Variants in NUP107 observed in about 807,000 individuals in gnomAD.
NUP107 encodes nuclear pore complex protein Nup107.
In NUP107, 101 loss-of-function variants were observed where a neutral mutation model predicts 141.0. That is an observed-to-expected ratio of 0.72 (90% CI 0.61 to 0.84). The LOEUF is 0.84. Among genes scored for constraint, NUP107 ranks in the 40% least tolerant of loss-of-function variants. The pLI, the probability that NUP107 is intolerant of heterozygous loss-of-function variation, is 0.00. For synonymous variants in NUP107, 319 were observed against 363.9 expected (o/e 0.88, Z 1.41); for missense variants, 941 against 1,102.7 (o/e 0.85, Z 2.08).
chr12:68,731,062 A>G, intron 20 of NUP107, 48 bp from the exon 21 acceptor site: 1 of 1,310,760 alleles, frequency 7.6e-7, no homozygotes, highest in Non-Finnish European at 1.1e-6. Context: ...TTTGAAGTAT[A>G]CTTTTAATTT....
intron 10 of NUP107, among the ~76,000 whole-genome samples, chr12:68,712,337 G>A (rs1269294544): frequency 1.4e-5 from 2 of 145,660 alleles, no homozygotes; most frequent in South Asian, 2.1e-4. Context: ...ACAAAAATTA[G>A]CCAGTCGTGG....
intron 19 of NUP107, 76 bp downstream of exon 19, chr12:68,726,693 T>C: frequency 1.1e-6 from 1 of 909,962 alleles, no homozygotes; most frequent in Non-Finnish European, 1.8e-6. Flanking sequence ...ACACTACTTT[T>C]TTTATTATTG....
At chr12:68,716,908 T>C (rs1257016408) in intron 12 of NUP107, among the ~76,000 whole-genome samples, 1 of 152,158 alleles carries the variant, frequency 6.6e-6, no homozygotes, top group East Asian at 1.9e-4. Context: ...TAATTTCTTT[T>C]TTTTTTTGAG....
intron 12 of NUP107, 37 bp downstream of exon 12, chr12:68,715,777 A>G (rs1488649216): frequency 1.5e-6 from 2 of 1,296,936 alleles, no homozygotes; most frequent in African/African-American, 2.9e-5. Flanking sequence ...AATTTCAAAA[A>G]GTCATAGACT....
intron 5 of NUP107, among the ~76,000 whole-genome samples, chr12:68,692,336 T>C (rs1875839896): frequency 6.6e-6 from 1 of 152,030 alleles, no homozygotes; most frequent in Non-Finnish European, 1.5e-5. Flanking sequence ...ATCCTAGCAC[T>C]TTGAGAGGCC....
rs985417865 is a variant in NUP107, at chr12:68,743,136, G to C, written c.*674G>C. 6.6e-6 allele frequency: 1 copy of C among 152,280 alleles called. No individual in the cohort carries two copies. Among genetic ancestry groups the C allele is most frequent in the African/African-American group, 2.4e-5 (1 of 41,440 alleles). 9.4% of individuals were successfully genotyped at this position (152,280 alleles called of 1,614,324 possible). ...GTAGTGGCTGGGTGCAGTGGCTCAC[G>C]TCTGTAACCCCAGCACTTCGGGAGG... On this transcript the variant is annotated 3_prime_UTR_variant, in exon 28 of 28. Transcript: ENST00000229179.
intron 8 of NUP107, chr12:68,706,616 T>C: frequency 1.4e-6 from 1 of 704,994 alleles, no homozygotes; most frequent in Non-Finnish European, 2.6e-6. Flanking sequence ...GCCAGAGGGC[T>C]TCCCTGGAGG....
chr12:68,703,393 A>C (rs578097236), intron 8 of NUP107, among the ~76,000 whole-genome samples: 1 of 152,056 alleles, frequency 6.6e-6, no homozygotes, highest in Non-Finnish European at 1.5e-5. Flanking sequence ...TTGTATACAC[A>C]CACACATTTG....
intron 10 of NUP107, among the ~76,000 whole-genome samples, chr12:68,710,774 T>C (rs1406089342): frequency 1.3e-5 from 2 of 152,170 alleles, no homozygotes; most frequent in East Asian, 1.9e-4. Context: ...ATTTACGTTG[T>C]ATTAGGTATT....
Position 68,731,364 on chromosome 12 carries a change from G to A in NUP107, c.1885+104G>A, listed in dbSNP as rs1009032457. The A allele has an allele frequency of 2.1e-5, 24 of 1,149,724 alleles. No homozygotes were observed. The African/African-American group carries it at 3.5e-4, about 17-fold the overall frequency. 71.2% of individuals were successfully genotyped at this position (1,149,724 alleles called of 1,614,324 possible). A position where few individuals can be genotyped will look rare whatever the true frequency, so the allele number is the denominator to read the frequency against. On this transcript the variant is annotated intron_variant, in intron 21 of 27. Coordinates refer to ENST00000229179, the MANE Select transcript of NUP107 (RefSeq NM_020401.4). ...AGTTTTAAATCTTATTTCTGTTGAGGGGAAAAGAGGAATAAAATTTTCAGG... is the reference window on the plus strand; with the variant it reads ...AGTTTTAAATCTTATTTCTGTTGAGAGGAAAAGAGGAATAAAATTTTCAGG...
At chr12:68,703,610 C>T (rs978723235) in intron 8 of NUP107, among the ~76,000 whole-genome samples, 1 of 152,086 alleles carries the variant, frequency 6.6e-6, no homozygotes, top group Non-Finnish European at 1.5e-5. Context: ...GCCACCACGC[C>T]TGGCTAATTT....
intron 6 of NUP107, among the ~76,000 whole-genome samples, chr12:68,699,979 T>A (rs1307616843): frequency 2.0e-5 from 3 of 152,174 alleles, no homozygotes; most frequent in Non-Finnish European, 4.4e-5. Context: ...CCCTGCTCAC[T>A]GCAACCTCTG....
chr12:68,710,651 TAAA>T (rs35505754), intron 10 of NUP107, among the ~76,000 whole-genome samples: 1 of 110,776 alleles, frequency 9.0e-6, no homozygotes, highest in Non-Finnish European at 1.7e-5. Context: ...CAGGCCGTCT[TAAA>T]AAAAAAAAAA....
At chr12:68,696,465 C>A (rs1876062663) in intron 5 of NUP107, among the ~76,000 whole-genome samples, 1 of 152,066 alleles carries the variant, frequency 6.6e-6, no homozygotes, top group Non-Finnish European at 1.5e-5. Context: ...GTAATGCCAG[C>A]ACTTTGGGAG....
intron 20 of NUP107, among the ~76,000 whole-genome samples, chr12:68,728,377 A>C (rs1365916248): frequency 1.4e-5 from 2 of 147,000 alleles, no homozygotes; most frequent in African/African-American, 5.0e-5. Context: ...GGATCGCTTG[A>C]GCCCAGGAGT....
At position 68,709,985 on chromosome 12, in the gene NUP107, T is replaced by C. The variant is rs769585054; in HGVS notation, c.802-20T>C. ...AGATTTGGTAGTTAACACTAATTTA[T>C]TTTTTTCTTTCTTTCTTAGCTGGTG... is the stretch of plus-strand genomic sequence containing the variant. On this transcript the variant is annotated intron_variant, in intron 9 of 27. Transcript: ENST00000229179. 2.8e-6 allele frequency: 4 copies of C among 1,452,616 alleles called. No individual in the cohort carries two copies. The Admixed American group carries it at 6.8e-5, about 25-fold the overall frequency. The allele number at this position is 1,452,616 out of a possible 1,614,324, so 90.0% of individuals were successfully genotyped here.
At chr12:68,687,733 G>A in intron 1 of NUP107, 1 of 790,428 alleles carries the variant, frequency 1.3e-6, no homozygotes, top group Non-Finnish European at 1.5e-6. Flanking sequence ...CTATGTGACT[G>A]CCATTGTTCT....
At chr12:68,729,635 G>T (rs1174461055) in intron 20 of NUP107, among the ~76,000 whole-genome samples, 2 of 151,798 alleles carry the variant, frequency 1.3e-5, no homozygotes, top group African/African-American at 4.8e-5. Context: ...TAGAGACGGG[G>T]TTTCACCACG....
At chr12:68,715,015 C>T (rs1411644398) in intron 11 of NUP107, among the ~76,000 whole-genome samples, 1 of 152,150 alleles carries the variant, frequency 6.6e-6, no homozygotes, top group African/African-American at 2.4e-5. Context: ...GAGTGAAACT[C>T]AAGTCATCTT....
Sources: allele counts gnomAD v4.1 joint callset (sites outside exome capture counted in the v4.1 genomes callset), GRCh38; gene constraint gnomAD v4.1.1; transcripts MANE v1.5; gene names NCBI Gene and HGNC (gene_info 2026-07-23, HGNC 2026-07-21).